The following SLC4A2 variants were observed in gnomAD, a reference collection of about 807,000 sequenced individuals.
SLC4A2 encodes the protein solute carrier family 4 member 2.
A neutral mutation model predicts 115.0 loss-of-function variants in SLC4A2; 36 were observed. The observed-to-expected ratio is 0.31, with a 90% CI of 0.24 to 0.41. The LOEUF is 0.41. Ranked by LOEUF, SLC4A2 falls within the 10% of genes least tolerant of loss-of-function variation. SLC4A2 has a pLI of 1.00. For synonymous variants in SLC4A2, 708 were observed against 708.3 expected (o/e 1.00, Z 0.01); for missense variants, 1,252 against 1,705.6 (o/e 0.73, Z 4.68).
Position 151,074,684 on chromosome 7 carries a change from G to T in SLC4A2, c.2890G>T (p.Val964Phe). Residue 964 changes from valine to phenylalanine, a missense_variant, in exon 19 of 23, where the codon GTT (valine) becomes TTT (phenylalanine). This residue lies in a region of SLC4A2 where 253 missense variants were observed against 407.4 expected (regional missense o/e 0.62). Transcript: ENST00000413384. ...TGTGTCTGCCCTGCAGAAGCTGAGC[G>T]TTCCCAGTGGATTCTCGGTGACTGC... is the stretch of plus-strand genomic sequence containing the variant. ...IEDTYTQKLS[V>F]PSGFSVTAPE... 1 of 1,598,548 alleles carries T rather than the reference G, an allele frequency of 6.3e-7. No individual in the cohort carries two copies.
At position 151,074,282 on chromosome 7, in the gene SLC4A2, T is replaced by C. The variant is rs778746006; in HGVS notation, c.2779T>C (p.Phe927Leu). 2.5e-6 allele frequency: 4 copies of C among 1,609,988 alleles called. No homozygotes were observed. Among genetic ancestry groups the C allele is most frequent in the East Asian group, 2.2e-5 (1 of 44,860 alleles). The change falls in exon 17 of 23, where the codon TTT (phenylalanine) becomes CTT (leucine). Residue 927 changes from phenylalanine (F) to leucine (L), a missense_variant. Physicochemically the swap from Phe to Leu is conservative, Grantham distance 22. Coordinates refer to ENST00000413384, the MANE Select transcript of SLC4A2 (RefSeq NM_003040.4). ...FLRKFKNSRFFPGRIRRVIGD... is the reference protein window; with the variant it reads ...FLRKFKNSRFLPGRIRRVIGD... ...GCGCAAATTCAAGAACAGCCGGTTC[T>C]TTCCTGGCCGGGTGCGTGGGCTTAA...
At chr7:151,063,280 G>A (rs1797118705) in intron 2 of SLC4A2, 1 of 989,648 alleles carries the variant, frequency 1.0e-6, no homozygotes, top group African/African-American at 1.7e-5. Flanking sequence ...AGCTCTCCTG[G>A]GGGCTGAAGG....
At chr7:151,073,484 G>C (rs926933889) in intron 16 of SLC4A2, among the ~76,000 whole-genome samples, 12 of 151,826 alleles carry the variant, frequency 7.9e-5, no homozygotes, top group Non-Finnish European at 1.2e-4. Context: ...GGGAAGGCTG[G>C]TTTCGAACTC....
intron 2 of SLC4A2, chr7:151,062,928 C>T (rs974043819): frequency 7.1e-7 from 1 of 1,401,112 alleles, no homozygotes; most frequent in Non-Finnish European, 9.2e-7. Flanking sequence ...CCTCCCCGCG[C>T]TCTTCCTTGT....
intron 2 of SLC4A2, among the ~76,000 whole-genome samples, chr7:151,063,604 G>A (rs1461470929): frequency 6.6e-6 from 1 of 151,140 alleles, no homozygotes; most frequent in Non-Finnish European, 1.5e-5. Context: ...CATCTGAGGG[G>A]GCAGACTGCT....
Position 151,063,726 on chromosome 7 carries a change from C to CT in SLC4A2, c.52-467dup, listed in dbSNP as rs112697398. ...AGGACTGGGTCCCTATATTTGTTTC[C>CT]TTTTTTTTTGTTTTTGTTTTGAGAC... On this transcript the variant is annotated intron_variant, in intron 2 of 22. Transcript: ENST00000413384. Among the ~76,000 whole-genome samples, 396 of 150,922 alleles carry CT rather than the reference C, an allele frequency of 2.6e-3. 1 individual carries two copies. Among genetic ancestry groups the CT allele is most frequent in the African/African-American group, 7.5e-3 (306 of 41,068 alleles).
At position 151,066,716 on chromosome 7, in the gene SLC4A2, A is replaced by T; in HGVS notation, c.778A>T (p.Ile260Phe). 1 of 1,554,100 alleles carries T rather than the reference A, an allele frequency of 6.4e-7. No homozygotes were observed. The highest frequency in any genetic ancestry group is 1.2e-5 in the South Asian group (1 of 84,418). The change falls in exon 6 of 23, where the codon ATT (isoleucine) becomes TTT (phenylalanine). Residue 260 changes from isoleucine to phenylalanine, a missense_variant. Physicochemically the swap from Ile to Phe is conservative, Grantham distance 21 (BLOSUM62 0). Around this residue, in one of 14 missense-constraint regions of SLC4A2, gnomAD observed 42 missense variants for 93.1 expected, o/e 0.45. Transcript: ENST00000413384. ...GCTGCCCCGGGTCCCCACGGATGAG[A>T]TTGAGGCCCAGACGCTGGCCACGGC... is the stretch of plus-strand genomic sequence containing the variant. ...ALLPRVPTDE[I>F]EAQTLATADL...
At chr7:151,062,449 C>T in intron 2 of SLC4A2, 2 of 1,138,604 alleles carry the variant, frequency 1.8e-6, no homozygotes, top group Non-Finnish European at 2.4e-6. Context: ...CCACCCAGGC[C>T]CGCCCCTCCC....
At chr7:151,075,020 G>A in intron 19 of SLC4A2, 179 bp downstream of exon 19, 1 of 880,424 alleles carries the variant, frequency 1.1e-6, no homozygotes, top group Non-Finnish European at 1.8e-6. Flanking sequence ...GCTGGGACAG[G>A]AACAGCACGT....
chr7:151,059,814 G>T lies in SLC4A2; in HGVS notation c.-64+52G>T, dbSNP rs1796988559. 1 of 151,398 alleles carries T rather than the reference G, an allele frequency of 6.6e-6. No homozygotes were observed. Among genetic ancestry groups the T allele is most frequent in the African/African-American group, 2.4e-5 (1 of 41,198 alleles). 9.4% of individuals were successfully genotyped at this position (151,398 alleles called of 1,614,324 possible). A position where few individuals can be genotyped will look rare whatever the true frequency, so the allele number is the denominator to read the frequency against. On this transcript the variant is annotated intron_variant, in intron 1 of 22. Transcript: ENST00000413384. The surrounding 1 kb of genome is among the most constrained non-coding windows in gnomAD (Gnocchi z 5.8). ...CGGCCAGGGCCGCAGAGGGAGGAAG[G>T]GAGGGGGAAGGAGAGGGGGGAACTC...
chr7:151,070,759 G>A lies in SLC4A2; in HGVS notation c.1597G>A (p.Ala533Thr). 2 of 1,613,878 alleles carry A rather than the reference G, an allele frequency of 1.2e-6. No homozygotes were observed. The highest frequency in any genetic ancestry group is 1.7e-6 in the Non-Finnish European group (2 of 1,180,012). ...CVEFLSRPTMAFVRLREAVEL... is the reference protein window; with the variant it reads ...CVEFLSRPTMTFVRLREAVEL... ...GGAGTTCCTCTCCCGCCCCACCATG[G>A]CCTTTGTGCGGCTCCGGGAGGCTGT... Residue 533 changes from alanine (A) to threonine (T), a missense_variant, in exon 12 of 23, where the codon GCC (alanine) becomes ACC (threonine). By Grantham distance (58) the Ala-to-Thr change is moderately conservative. This residue lies in a region of SLC4A2 where 87 missense variants were observed against 170.3 expected (regional missense o/e 0.51). Transcript: ENST00000413384.
intron 5 of SLC4A2, among the ~76,000 whole-genome samples, chr7:151,065,890 GGGGT>G (rs1797212389): frequency 1.3e-5 from 2 of 152,146 alleles, no homozygotes; most frequent in Non-Finnish European, 2.9e-5. Flanking sequence ...TTGAGAGAGA[GGGGT>G]AGGACCACGT....
At chr7:151,062,640 A>G in intron 2 of SLC4A2, 3 of 1,523,424 alleles carry the variant, frequency 2.0e-6, no homozygotes, top group Non-Finnish European at 2.6e-6. Flanking sequence ...CCTGCCGGCC[A>G]TGGACTTCCT....
intron 16 of SLC4A2, 53 bp downstream of exon 16, chr7:151,072,189 G>C: frequency 1.3e-6 from 2 of 1,516,126 alleles, no homozygotes; most frequent in Non-Finnish European, 1.8e-6. Context: ...TCTCAGGGCT[G>C]GAGGGAGTCT....
intron 2 of SLC4A2, chr7:151,063,230 C>A (rs1797115955): frequency 7.7e-7 from 1 of 1,291,988 alleles, no homozygotes; most frequent in African/African-American, 1.6e-5. Flanking sequence ...GGGCTAGGGA[C>A]CTGGCCCAGG....
rs902364864 is a variant in SLC4A2, at chr7:151,066,541, G to A, written c.603G>A (p.Ala201=). Residue 201 remains alanine, a synonymous_variant, in exon 6 of 23, where the codon GCG becomes GCA. Transcript: ENST00000413384. ...GAACCCAGGTGGAGGAGGCGGAGGC[G>A]GAGGCGGTGGCGGTGGCCAGTGGCA... The part of the protein sequence containing the change: ...QAGTQVEEAE[A]EAVAVASGTA... 16 of 1,535,132 alleles carry A rather than the reference G, an allele frequency of 1.0e-5. No homozygotes were observed. The highest frequency in any genetic ancestry group is 4.9e-5 in the East Asian group (2 of 40,808).
chr7:151,071,625 AG>A lies in SLC4A2; in HGVS notation c.2191+25del, dbSNP rs763143876. 6 of 1,613,520 alleles carry A rather than the reference AG, an allele frequency of 3.7e-6. No individual in the cohort carries two copies. Among genetic ancestry groups the A allele is most frequent in the Non-Finnish European group, 5.1e-6 (6 of 1,179,844 alleles). ...TGCTGGGTGAGGAGAGCCTTCAGGT[AG>A]GGGGCGGCGGGGACTGCCCAGGGCC... On this transcript the variant is annotated intron_variant, in intron 14 of 22. Transcript: ENST00000413384. The surrounding 1 kb of genome is among the most constrained non-coding windows in gnomAD (Gnocchi z 5.5).
Position 151,070,490 on chromosome 7 carries a change from A to G in SLC4A2, c.1483A>G (p.Ile495Val), listed in dbSNP as rs1797396567. Residue 495 changes from isoleucine to valine, a missense_variant, in exon 11 of 23, where the codon ATC becomes GTC. Physicochemically the swap from Ile to Val is conservative, Grantham distance 29. This residue lies in a region of SLC4A2 where 142 missense variants were observed against 153.5 expected (regional missense o/e 0.93). Transcript: ENST00000413384. The part of the protein sequence containing the change: ...ELPPPAPPAG[I>V]TRSKSKHELK... ...GCCGCCTCCAGCACCACCAGCTGGC[A>G]TCACCCGCTCCAAGTCCAAGCACGA... 6.2e-7 allele frequency: 1 copy of G among 1,613,590 alleles called. No individual in the cohort carries two copies. The highest frequency in any genetic ancestry group is 1.3e-5 in the African/African-American group (1 of 75,044).
At chr7:151,062,461 G>A in intron 2 of SLC4A2, 1 of 1,134,968 alleles carries the variant, frequency 8.8e-7, no homozygotes. Flanking sequence ...GCCCCTCCCT[G>A]CCCCCACGTG....
Sources: allele counts gnomAD v4.1 joint callset (sites outside exome capture counted in the v4.1 genomes callset), GRCh38; gene constraint gnomAD v4.1.1; regional missense constraint gnomAD v4.1.1; non-coding constraint Gnocchi (gnomAD v3.1); transcripts MANE v1.5; gene names NCBI Gene and HGNC (gene_info 2026-07-23, HGNC 2026-07-21).